ZNF438: variants seen among roughly 807,000 people sequenced by gnomAD.
The protein encoded by ZNF438 is zinc finger protein 438.
Under a neutral mutation model 38.0 loss-of-function variants are expected in ZNF438, and 25 were observed. The observed-to-expected ratio is 0.66, with a 90% CI of 0.48 to 0.92. ZNF438 has a LOEUF of 0.92. ZNF438 is among the 40% of genes least tolerant of loss of function. ZNF438 has a pLI of 0.00. For missense variants in ZNF438, 1,007 were observed against 999.6 expected, an observed-to-expected ratio of 1.01 and a Z score of -0.10; for synonymous variants, 372 against 364.1, an observed-to-expected ratio of 1.02 and a Z score of -0.25.
At chr10:31,001,898 A>G (rs1159380368) in intron 1 of ZNF438, among the ~76,000 whole-genome samples, 1 of 152,214 alleles carries the variant, frequency 6.6e-6, no homozygotes, top group African/African-American at 2.4e-5. Flanking sequence ...TCATACACCC[A>G]TGGCTGCAAT....
intron 1 of ZNF438, among the ~76,000 whole-genome samples, chr10:30,958,475 G>A (rs1025314687): frequency 6.8e-6 from 1 of 146,856 alleles, no homozygotes; most frequent in Non-Finnish European, 1.5e-5. Context: ...GCAAAATATA[G>A]GAGCTTTTAT....
chr10:30,948,425 G>A (rs2047722125), intron 1 of ZNF438, among the ~76,000 whole-genome samples: 1 of 152,160 alleles, frequency 6.6e-6, no homozygotes, highest in Non-Finnish European at 1.5e-5. Flanking sequence ...GCTGAGAGAA[G>A]AAGGCTTCAG....
At chr10:30,998,687 T>C (rs535551619) in intron 1 of ZNF438, among the ~76,000 whole-genome samples, 1 of 152,238 alleles carries the variant, frequency 6.6e-6, no homozygotes, top group South Asian at 2.1e-4. Context: ...TTTTATCCTT[T>C]ATTGTTTACC....
At chr10:30,855,860 A>T (rs1564497774) in intron 4 of ZNF438, among the ~76,000 whole-genome samples, 1 of 152,222 alleles carries the variant, frequency 6.6e-6, no homozygotes, top group Non-Finnish European at 1.5e-5. Context: ...AAATGAAACA[A>T]AAGAAATCAG....
chr10:30,886,679 T>C (rs2220816), intron 3 of ZNF438, among the ~76,000 whole-genome samples: 20,741 of 152,226 alleles, frequency 0.14, 1,582 homozygotes, highest in Non-Finnish European at 0.18. Flanking sequence ...ATAAACAGAA[T>C]GGCTGTATGG....
intron 2 of ZNF438, among the ~76,000 whole-genome samples, chr10:30,936,529 C>T (rs995644337): frequency 2.1e-4 from 32 of 152,126 alleles, no homozygotes; most frequent in Non-Finnish European, 2.4e-4. Context: ...CAAAAATTAG[C>T]CAGGCATGGT....
intron 1 of ZNF438, among the ~76,000 whole-genome samples, chr10:31,004,592 G>A (rs1369156169): frequency 1.3e-5 from 2 of 152,176 alleles, no homozygotes; most frequent in Non-Finnish European, 2.9e-5. Context: ...TAATAGACAC[G>A]TCGGAAGACT....
intron 1 of ZNF438, among the ~76,000 whole-genome samples, chr10:30,967,632 T>A (rs1371044345): frequency 5.3e-5 from 8 of 152,220 alleles, no homozygotes. Flanking sequence ...ATTTTAAAAC[T>A]AATATGTTAC....
intron 4 of ZNF438, among the ~76,000 whole-genome samples, chr10:30,857,258 CTT>C (rs10682942): frequency 9.6e-5 from 13 of 135,868 alleles, no homozygotes; most frequent in Non-Finnish European, 7.8e-5. Flanking sequence ...TCTAAAATTT[CTT>C]TTTTTTTTTT....
At chr10:30,991,376 T>G (rs2053476201) in intron 1 of ZNF438, among the ~76,000 whole-genome samples, 1 of 152,192 alleles carries the variant, frequency 6.6e-6, no homozygotes, top group Non-Finnish European at 1.5e-5. Context: ...AAAGTTCTAC[T>G]CTAGGTGCAG....
chr10:31,016,393 A>G (rs140883431), intron 1 of ZNF438, among the ~76,000 whole-genome samples: 96 of 152,374 alleles, frequency 6.3e-4, no homozygotes, highest in African/African-American at 2.2e-3. Flanking sequence ...TCTATATTTG[A>G]TTCCTGCTTA....
intron 1 of ZNF438, among the ~76,000 whole-genome samples, chr10:30,951,904 A>G (rs1230444842): frequency 1.3e-5 from 2 of 151,908 alleles, no homozygotes; most frequent in Non-Finnish European, 2.9e-5. Flanking sequence ...AAACTACTTT[A>G]AAGTTCATAT....
intron 2 of ZNF438, among the ~76,000 whole-genome samples, chr10:30,934,019 G>A (rs1431320498): frequency 6.6e-6 from 1 of 152,100 alleles, no homozygotes; most frequent in East Asian, 1.9e-4. Context: ...GGTGGCGGGT[G>A]CCTGTAGTCC....
intron 1 of ZNF438, among the ~76,000 whole-genome samples, chr10:30,976,690 T>C (rs1243356909): frequency 1.3e-5 from 2 of 151,878 alleles, no homozygotes; most frequent in Non-Finnish European, 2.9e-5. Flanking sequence ...TGAGCTATGA[T>C]CGTGCCTCTG....
At chr10:30,862,256 G>T (rs956521604) in intron 4 of ZNF438, among the ~76,000 whole-genome samples, 14 of 152,114 alleles carry the variant, frequency 9.2e-5, no homozygotes, top group Admixed American at 3.3e-4. Flanking sequence ...ATATGGCATG[G>T]CAAGAAATCT....
At chr10:31,003,075 T>C (rs1281056562) in intron 1 of ZNF438, among the ~76,000 whole-genome samples, 1 of 152,078 alleles carries the variant, frequency 6.6e-6, no homozygotes, top group Non-Finnish European at 1.5e-5. Context: ...CTGACTCCCA[T>C]GGGGAGTCTG....
chr10:30,899,980 T>C (rs2041797632), intron 3 of ZNF438, among the ~76,000 whole-genome samples: 1 of 152,208 alleles, frequency 6.6e-6, no homozygotes, highest in Non-Finnish European at 1.5e-5. Context: ...TTCACTCTAA[T>C]CGACATAACT....
intron 1 of ZNF438, among the ~76,000 whole-genome samples, chr10:31,016,243 CA>C (rs56346586): frequency 0.083 from 12,560 of 152,042 alleles, 615 homozygotes; most frequent in Non-Finnish European, 0.11. Context: ...ATAATTATAA[CA>C]GGGGTGATGT....
chr10:30,900,556 C>T (rs187208412), intron 3 of ZNF438, among the ~76,000 whole-genome samples: 48 of 152,282 alleles, frequency 3.2e-4, no homozygotes, highest in African/African-American at 1.1e-3. Flanking sequence ...ATTAAGTATA[C>T]GCTAATTTCT....
Sources: gnomAD v4.1 joint callset for allele counts (sites outside exome capture counted in the v4.1 genomes callset) on GRCh38, gnomAD v4.1.1 for gene constraint, MANE v1.5 for transcripts, NCBI Gene and HGNC (gene_info 2026-07-23, HGNC 2026-07-21) for gene names.